The following FRMPD4 variants were observed in gnomAD, a reference collection of about 807,000 sequenced individuals.
FRMPD4 encodes FERM and PDZ domain containing 4.
In FRMPD4, 22 loss-of-function variants were observed where a neutral mutation model predicts 94.1. The ratio of observed to expected loss-of-function variants is 0.23; its 90% CI spans 0.17 to 0.33. The LOEUF (loss-of-function observed/expected upper bound fraction) is 0.33. Among genes scored for constraint, FRMPD4 ranks in the 10% least tolerant of loss-of-function variants. The probability of loss-of-function intolerance (pLI) is 1.00; values close to 1 mark genes in which losing one functional copy is unlikely to be tolerated. For missense variants in FRMPD4, 1,111 were observed against 1,339.9 expected (o/e 0.83, Z 2.67); for synonymous variants, 631 against 548.6 (o/e 1.15, Z -2.10).
At chrX:12,683,413 T>C in intron 5 of FRMPD4, 70 bp from the exon 6 acceptor site, 2 of 566,228 alleles carry the variant, frequency 3.5e-6, no homozygotes, top group Non-Finnish European at 5.9e-6. Flanking sequence ...ATACCTAAGA[T>C]GGAAAACAAC....
intron 2 of FRMPD4, among the ~76,000 whole-genome samples, chrX:12,600,215 A>G (rs945763146): frequency 2.3e-4 from 25 of 110,551 alleles, no homozygotes; most frequent in Non-Finnish European, 4.4e-4. Context: ...AGATCATGAA[A>G]TACCATTTTT....
intron 1 of FRMPD4, among the ~76,000 whole-genome samples, chrX:12,207,509 A>G (rs1212926912): frequency 9.1e-6 from 1 of 110,344 alleles, no homozygotes; most frequent in African/African-American, 3.3e-5. Flanking sequence ...AACTGTAAAA[A>G]TCGTTGTTTG....
chrX:12,274,352 A>G (rs1335482424), intron 1 of FRMPD4, among the ~76,000 whole-genome samples: 1 of 111,592 alleles, frequency 9.0e-6, no homozygotes, highest in Non-Finnish European at 1.9e-5. Context: ...GGGTCCTTAC[A>G]CTGAAACGTC....
intron 1 of FRMPD4, among the ~76,000 whole-genome samples, chrX:12,432,176 A>C (rs779457409): frequency 8.9e-6 from 1 of 111,784 alleles, no homozygotes; most frequent in Non-Finnish European, 1.9e-5. Flanking sequence ...CCTATCCTCA[A>C]GTATCATCTT....
intron 1 of FRMPD4, among the ~76,000 whole-genome samples, chrX:12,310,292 G>A (rs2147905947): frequency 9.0e-6 from 1 of 111,012 alleles, no homozygotes; most frequent in African/African-American, 3.3e-5. Flanking sequence ...CTTTCACAAG[G>A]TAATGTCATC....
In FRMPD4 at chrX:12,508,334, G is replaced by A. The variant is rs764472650; in HGVS notation, c.158+9538G>A. ...TTCAGTTTCCCACATTATCAAGCCC[G>A]CATTCCTACATAAAACCCCCAAAAG... On this transcript the variant is annotated intron_variant, in intron 2 of 16. Transcript: ENST00000675598. 3.7e-5 allele frequency among the ~76,000 whole-genome samples: 4 copies of A among 109,404 alleles called. No individual in the cohort carries two copies. The South Asian group carries it at 1.2e-3, about 33-fold the overall frequency.
At chrX:12,461,447 A>C (rs1053443438) in intron 1 of FRMPD4, among the ~76,000 whole-genome samples, 1 of 111,994 alleles carries the variant, frequency 8.9e-6, no homozygotes, top group African/African-American at 3.2e-5. Flanking sequence ...AGTCTTTGCT[A>C]TCTGTTGATC....
chrX:12,084,725 G>A (rs2055093180), intron 3 of FRMPD4, among the ~76,000 whole-genome samples: 1 of 112,031 alleles, frequency 8.9e-6, no homozygotes, highest in Non-Finnish European at 1.9e-5. Flanking sequence ...TCTTACATAG[G>A]AAAATTCCAG....
In FRMPD4 at chrX:12,525,614, A is replaced by G. The variant is rs1034781565; in HGVS notation, c.158+26818A>G. 2.7e-5 allele frequency among the ~76,000 whole-genome samples: 3 copies of G among 112,536 alleles called. No individual in the cohort carries two copies. In the Admixed American group the frequency reaches 2.8e-4, roughly 11 times the overall value. On this transcript the variant is annotated intron_variant, in intron 2 of 16. Transcript: ENST00000675598. ...GGCCGTTTCTACTGCTTAAACATTC[A>G]TGTACAAGTCTTTGCATGTGAACAT...
rs376407720 is a variant in FRMPD4 at position 12,376,984 on chromosome X, G to A, written c.42-121696G>A. ...ATGGGGTGCTTGCTGCTCCCCTAGG[G>A]TCTCAGTCAACCTCAGTCATCTCAC... is the stretch of plus-strand genomic sequence containing the variant. On this transcript the variant is annotated intron_variant, in intron 1 of 16. Coordinates refer to ENST00000675598, the MANE Select transcript of FRMPD4 (RefSeq NM_001368397.1). Among the ~76,000 whole-genome samples the A allele has an allele frequency of 1.2e-3, 138 of 111,944 alleles. 1 individual carries two copies. Among genetic ancestry groups the A allele is most frequent in the Non-Finnish European group, 2.2e-3 (116 of 53,175 alleles).
At chrX:12,297,100 TTGAC>T (rs995691362) in intron 1 of FRMPD4, among the ~76,000 whole-genome samples, 5 of 112,754 alleles carry the variant, frequency 4.4e-5, no homozygotes, top group African/African-American at 1.6e-4. Context: ...GACTGCTTCA[TTGAC>T]TGTCCATTTA....
chrX:12,651,811 C>T (rs1361540560), intron 4 of FRMPD4, among the ~76,000 whole-genome samples: 1 of 112,300 alleles, frequency 8.9e-6, no homozygotes, highest in Non-Finnish European at 1.9e-5. Flanking sequence ...AAGTAACTGT[C>T]AAGGCAAATT....
intron 3 of FRMPD4, among the ~76,000 whole-genome samples, chrX:11,943,360 A>G (rs956031677): frequency 7.2e-5 from 8 of 111,422 alleles, no homozygotes; most frequent in Admixed American, 1.9e-4. Context: ...CATTTACTCC[A>G]TACTATTTAT....
chrX:11,895,562 A>T (rs1274232840), intron 3 of FRMPD4, among the ~76,000 whole-genome samples: 1 of 111,451 alleles, frequency 9.0e-6, no homozygotes, highest in African/African-American at 3.3e-5. Flanking sequence ...AACTCAGCAA[A>T]TTTTTTTTGA....
intron 1 of FRMPD4, among the ~76,000 whole-genome samples, chrX:12,240,329 T>A (rs1032188614): frequency 1.8e-5 from 2 of 112,430 alleles, no homozygotes; most frequent in African/African-American, 3.2e-5. Flanking sequence ...TAATAATATG[T>A]GGCTCTGCCT....
intron 3 of FRMPD4, among the ~76,000 whole-genome samples, chrX:12,113,328 A>G (rs1278851068): frequency 8.9e-6 from 1 of 112,300 alleles, no homozygotes; most frequent in Non-Finnish European, 1.9e-5. Context: ...AATTACCACA[A>G]ACTTAGTGGC....
intron 3 of FRMPD4, among the ~76,000 whole-genome samples, chrX:12,031,123 G>C (rs966197158): frequency 3.6e-5 from 4 of 111,850 alleles, no homozygotes; most frequent in African/African-American, 1.3e-4. Context: ...AGAGGATTGG[G>C]TAGAGGAGGA....
At chrX:12,051,162 G>A (rs185899894) in intron 3 of FRMPD4, among the ~76,000 whole-genome samples, 185 of 111,896 alleles carry the variant, frequency 1.7e-3, no homozygotes, top group South Asian at 3.7e-3. Context: ...AAAGTATAAA[G>A]GTGTTCATGG....
intron 3 of FRMPD4, among the ~76,000 whole-genome samples, chrX:12,104,376 A>T (rs983111220): frequency 8.9e-6 from 1 of 112,219 alleles, no homozygotes; most frequent in African/African-American, 3.2e-5. Flanking sequence ...GGGAGAGGTG[A>T]TGAGATAATA....
Sources: allele counts gnomAD v4.1 joint callset (sites outside exome capture counted in the v4.1 genomes callset), GRCh38; gene constraint gnomAD v4.1.1; transcripts MANE v1.5; gene names NCBI Gene and HGNC (gene_info 2026-07-23, HGNC 2026-07-21).